The following RAD51B variants were observed in gnomAD, a reference collection of about 807,000 sequenced individuals.
RAD51B encodes the protein DNA repair protein RAD51 homolog 2.
RAD51B carries 38 observed loss-of-function variants against 42.2 expected under a neutral mutation model. That is an observed-to-expected ratio of 0.90 (90% CI 0.70 to 1.18). The LOEUF is 1.18. RAD51B is among the 50% of genes most tolerant of loss of function. The pLI, the probability that RAD51B is intolerant of heterozygous loss-of-function variation, is 0.00. For missense variants in RAD51B, 373 were observed against 400.7 expected (o/e 0.93, Z 0.59); for synonymous variants, 154 against 145.2 (o/e 1.06, Z -0.43).
chr14:67,947,518 T>C (rs78223508), intron 7 of RAD51B, among the ~76,000 whole-genome samples: 6,962 of 152,352 alleles, frequency 0.046, 214 homozygotes, highest in Non-Finnish European at 0.073. Flanking sequence ...TGTTGTCATC[T>C]GTCTATGTTT....
At position 67,825,486 on chromosome 14, in the gene RAD51B, T is replaced by A. The variant is rs945065297; in HGVS notation, c.107T>A (p.Leu36Gln). The change falls in exon 3 of 11, where the codon CTG becomes CAG. Residue 36 changes from leucine (L) to glutamine (Q), a missense_variant. Physicochemically the swap from Leu to Gln is moderately radical, Grantham distance 113 (BLOSUM62 -2). Coordinates refer to ENST00000471583, the MANE Select transcript of RAD51B (RefSeq NM_133510.4). ...TCQDFLCLSPLELMKVTGLSY... is the reference protein window; with the variant it reads ...TCQDFLCLSPQELMKVTGLSY... ...TAGGACTTTTTATGTCTTTCCCCAC[T>A]GGAGCTTATGAAGGTGACTGGTCTG... The A allele has an allele frequency of 1.2e-6, 2 of 1,612,992 alleles. No homozygotes were observed. Among genetic ancestry groups the A allele is most frequent in the African/African-American group, 1.3e-5 (1 of 74,886 alleles).
intron 7 of RAD51B, among the ~76,000 whole-genome samples, chr14:67,931,492 T>C (rs928423623): frequency 6.7e-6 from 1 of 150,178 alleles, no homozygotes; most frequent in African/African-American, 2.5e-5. Context: ...ATTCTTTTTC[T>C]GGGATTTCTT....
At chr14:67,985,214 G>A (rs1395733968) in intron 7 of RAD51B, among the ~76,000 whole-genome samples, 1 of 152,138 alleles carries the variant, frequency 6.6e-6, no homozygotes, top group Non-Finnish European at 1.5e-5. Flanking sequence ...TCTCCTCCTT[G>A]TCTTCTAATA....
chr14:68,472,818 A>G (rs2086159842), intron 10 of RAD51B, among the ~76,000 whole-genome samples: 1 of 152,198 alleles, frequency 6.6e-6, no homozygotes, highest in Non-Finnish European at 1.5e-5. Context: ...GGCAGAAGAA[A>G]ACAGAAAACA....
chr14:68,148,682 C>G (rs2078308389), intron 7 of RAD51B, among the ~76,000 whole-genome samples: 1 of 152,198 alleles, frequency 6.6e-6, no homozygotes, highest in Non-Finnish European at 1.5e-5. Context: ...TGTGCAGTAA[C>G]AGTAAGCCCC....
At chr14:68,055,087 C>G (rs988679785) in intron 7 of RAD51B, among the ~76,000 whole-genome samples, 1 of 152,130 alleles carries the variant, frequency 6.6e-6, no homozygotes, top group African/African-American at 2.4e-5. Flanking sequence ...AATAATCCCC[C>G]TTAACAATTT....
intron 8 of RAD51B, among the ~76,000 whole-genome samples, chr14:68,342,672 T>A (rs887417099): frequency 3.3e-5 from 5 of 152,174 alleles, no homozygotes; most frequent in Non-Finnish European, 4.4e-5. Flanking sequence ...GCCCATCAAG[T>A]GAAAGCAAGT....
intron 7 of RAD51B, among the ~76,000 whole-genome samples, chr14:68,270,553 T>C (rs1401485254): frequency 6.6e-6 from 1 of 152,192 alleles, no homozygotes; most frequent in African/African-American, 2.4e-5. Flanking sequence ...AGATAGCACA[T>C]TTGGGTCACA....
Position 67,906,030 on chromosome 14 carries a change from G to A in RAD51B, c.756+18826G>A, listed in dbSNP as rs531088036. Among the ~76,000 whole-genome samples, 224 of 152,178 alleles carry A rather than the reference G, an allele frequency of 1.5e-3. 5 individuals carry two copies. Among genetic ancestry groups the A allele is most frequent in the African/African-American group, 5.2e-3 (217 of 41,484 alleles). ...TTATTTGGTAGGATATTAGCTGTGGGTTTGTCATAGATGAGTCTTCTTATT... is the reference window on the plus strand; with the variant it reads ...TTATTTGGTAGGATATTAGCTGTGGATTTGTCATAGATGAGTCTTCTTATT... On this transcript the variant is annotated intron_variant, in intron 7 of 10. Transcript: ENST00000471583.
intron 7 of RAD51B, among the ~76,000 whole-genome samples, chr14:68,073,474 C>T (rs1422785619): frequency 6.6e-6 from 1 of 152,098 alleles, no homozygotes; most frequent in East Asian, 1.9e-4. Context: ...CTTATTTATT[C>T]AACTTGCCAC....
At chr14:68,440,444 A>C (rs536213082) in intron 9 of RAD51B, among the ~76,000 whole-genome samples, 24 of 152,208 alleles carry the variant, frequency 1.6e-4, no homozygotes, top group Non-Finnish European at 2.8e-4. Flanking sequence ...GGCCAAGAGT[A>C]GAAAGTAACC....
intron 11 of RAD51B, among the ~76,000 whole-genome samples, chr14:68,656,673 C>T (rs1444837974): frequency 6.6e-6 from 1 of 152,194 alleles, no homozygotes; most frequent in South Asian, 2.1e-4. Context: ...GCAGTGTGAC[C>T]TTTGGGCCTG....
chr14:68,412,288 A>G (rs1275791965), intron 9 of RAD51B, among the ~76,000 whole-genome samples: 4 of 152,248 alleles, frequency 2.6e-5, no homozygotes, highest in Admixed American at 2.6e-4. Context: ...GATTCAATCT[A>G]GTTTCTCCTA....
chr14:68,586,463 T>C (rs1164023981), intron 10 of RAD51B, among the ~76,000 whole-genome samples: 1 of 152,186 alleles, frequency 6.6e-6, no homozygotes, highest in Non-Finnish European at 1.5e-5. Flanking sequence ...TTTCTCTGGT[T>C]TTAACAAAGG....
In RAD51B at chr14:67,907,793, T is replaced by A. The variant is rs552288041; in HGVS notation, c.756+20589T>A. On this transcript the variant is annotated intron_variant, in intron 7 of 10. Transcript: ENST00000471583. The stretch of plus-strand genomic sequence containing the variant: ...AAGAAAGTATTAAACAGAATAAATA[T>A]ATTGAGGTGGTCATCTTTAGAAAAT... Among the ~76,000 whole-genome samples, 80 of 151,442 alleles carry A rather than the reference T, an allele frequency of 5.3e-4. 4 individuals are homozygous for A. In the South Asian group the frequency reaches 0.016, roughly 30 times the overall value.
intron 10 of RAD51B, among the ~76,000 whole-genome samples, chr14:68,475,107 C>T (rs1456841020): frequency 1.3e-5 from 2 of 152,204 alleles, no homozygotes; most frequent in African/African-American, 4.8e-5. Flanking sequence ...AAGCATCCCC[C>T]ATCCCTTAAG....
intron 10 of RAD51B, among the ~76,000 whole-genome samples, chr14:68,559,610 C>A (rs1333096989): frequency 1.3e-5 from 2 of 152,056 alleles, no homozygotes; most frequent in Non-Finnish European, 1.5e-5. Flanking sequence ...GAACTCCTGA[C>A]CTCATGTGAT....
chr14:68,252,518 T>C (rs1315976746), intron 7 of RAD51B, among the ~76,000 whole-genome samples: 1 of 152,232 alleles, frequency 6.6e-6, no homozygotes, highest in Non-Finnish European at 1.5e-5. Context: ...TGCACACACA[T>C]GTCTTTTGCC....
intron 10 of RAD51B, among the ~76,000 whole-genome samples, 161 bp from the exon 11 acceptor site, chr14:68,477,487 T>C (rs1344721875): frequency 6.6e-6 from 1 of 152,228 alleles, no homozygotes; most frequent in Non-Finnish European, 1.5e-5. Context: ...CCGCTGTGTT[T>C]CTGGATCTCT....
Sources: gnomAD v4.1 joint callset for allele counts (sites outside exome capture counted in the v4.1 genomes callset) on GRCh38, gnomAD v4.1.1 for gene constraint, MANE v1.5 for transcripts, NCBI Gene and HGNC (gene_info 2026-07-23, HGNC 2026-07-21) for gene names.